The following GMDS variants were observed in gnomAD, a reference collection of about 807,000 sequenced individuals.
GMDS encodes the protein GDP-mannose 4,6-dehydratase, also known as GDP-mannose 4,6 dehydratase.
GMDS carries 20 observed loss-of-function variants against 49.9 expected under a neutral mutation model. That is an observed-to-expected ratio of 0.40 (90% CI 0.28 to 0.58). The LOEUF is 0.58. GMDS is among the 20% of genes least tolerant of loss of function. The pLI, the probability that GMDS is intolerant of heterozygous loss-of-function variation, is 0.42. For missense variants in GMDS, 362 were observed against 481.4 expected (o/e 0.75, Z 2.32); for synonymous variants, 177 against 178.6 (o/e 0.99, Z 0.07).
Position 1,774,744 on chromosome 6 carries a change from TCTC to T in GMDS, c.772-32161_772-32159del, listed in dbSNP as rs1768724447. The stretch of plus-strand genomic sequence containing the variant: ...CACCTAAAGGAACAGCTTCCAAAAC[TCTC>T]CTCTGTGGTTATAAAGAAGCAAACT... On this transcript the variant is annotated intron_variant, in intron 7 of 10. Transcript: ENST00000380815. 2.0e-5 allele frequency among the ~76,000 whole-genome samples: 3 copies of T among 152,118 alleles called. No individual in the cohort carries two copies. In the South Asian group the frequency reaches 6.2e-4, roughly 32 times the overall value.
chr6:1,629,122 A>T (rs947107700), intron 9 of GMDS, among the ~76,000 whole-genome samples: 2 of 152,206 alleles, frequency 1.3e-5, no homozygotes, highest in Non-Finnish European at 2.9e-5. Context: ...CTGGGAAATA[A>T]CAAAAAATGA....
At chr6:1,903,476 T>C (rs1313904049) in intron 7 of GMDS, among the ~76,000 whole-genome samples, 4 of 152,350 alleles carry the variant, frequency 2.6e-5, no homozygotes, top group African/African-American at 7.2e-5. Flanking sequence ...AATTCAACTT[T>C]CTGTGAATAA....
chr6:1,636,119 G>A (rs1342220138), intron 9 of GMDS, among the ~76,000 whole-genome samples: 1 of 152,218 alleles, frequency 6.6e-6, no homozygotes, highest in African/African-American at 2.4e-5. Context: ...TTCCAGGAAT[G>A]TCTGCATCTC....
intron 1 of GMDS, among the ~76,000 whole-genome samples, chr6:2,211,148 A>G (rs563171985): frequency 7.9e-5 from 12 of 152,188 alleles, no homozygotes; most frequent in Non-Finnish European, 1.8e-4. Flanking sequence ...AGCTCTTTAT[A>G]GCAGTGTGAG....
At chr6:1,702,253 G>A (rs116385894) in intron 9 of GMDS, among the ~76,000 whole-genome samples, 4,372 of 152,304 alleles carry the variant, frequency 0.029, 88 homozygotes, top group Non-Finnish European at 0.044. Flanking sequence ...AATTACAGAC[G>A]TTTAGAGTGG....
chr6:1,983,052 T>G (rs950014065), intron 4 of GMDS, among the ~76,000 whole-genome samples: 1 of 151,948 alleles, frequency 6.6e-6, no homozygotes, highest in Non-Finnish European at 1.5e-5. Flanking sequence ...TGAAACAGAA[T>G]AGAGAACCCA....
intron 7 of GMDS, among the ~76,000 whole-genome samples, chr6:1,925,372 C>A (rs1194125268): frequency 4.6e-5 from 7 of 152,160 alleles, no homozygotes; most frequent in African/African-American, 1.7e-4. Context: ...AAATTGGAAT[C>A]AGCAACAAGT....
rs552489764 is a variant in GMDS at position 1,624,369 on chromosome 6, G to A, written c.1056+103C>T. Reference sequence around the variant, plus strand: ...TCACTTCTCCCGCACCCCGCCTTCCGGGCTTTGGGCATCGCAGGCGCCTCA... The same window carrying A: ...TCACTTCTCCCGCACCCCGCCTTCCAGGCTTTGGGCATCGCAGGCGCCTCA... On this transcript the variant is annotated intron_variant, in intron 10 of 10. Transcript: ENST00000380815. 50 of 1,313,928 alleles carry A rather than the reference G, an allele frequency of 3.8e-5. No homozygotes were observed. In the African/African-American group the frequency reaches 6.1e-4, roughly 16 times the overall value. 81.4% of individuals were successfully genotyped at this position (1,313,928 alleles called of 1,614,324 possible). A position where few individuals can be genotyped will look rare whatever the true frequency, so the allele number is the denominator to read the frequency against.
intron 7 of GMDS, among the ~76,000 whole-genome samples, chr6:1,844,085 C>T (rs1757274149): frequency 6.6e-6 from 1 of 152,182 alleles, no homozygotes. Context: ...CTATCATGTG[C>T]TGGCACTGTG....
chr6:1,754,212 G>A (rs1171157501), intron 7 of GMDS, among the ~76,000 whole-genome samples: 1 of 152,134 alleles, frequency 6.6e-6, no homozygotes, highest in Non-Finnish European at 1.5e-5. Context: ...CATCACCACT[G>A]ATCCCACAGA....
intron 7 of GMDS, among the ~76,000 whole-genome samples, chr6:1,821,759 T>C (rs1048039624): frequency 2.6e-5 from 4 of 152,020 alleles, no homozygotes; most frequent in African/African-American, 9.7e-5. Flanking sequence ...AAGCTTGTAG[T>C]TTGAAATTTG....
chr6:1,985,569 A>T (rs1047672427), intron 4 of GMDS, among the ~76,000 whole-genome samples: 11 of 152,228 alleles, frequency 7.2e-5, no homozygotes, highest in African/African-American at 2.4e-4. Context: ...ATCAGCTAAA[A>T]ACAAGAAAGC....
chr6:2,130,323 A>T (rs1775666032), intron 1 of GMDS, among the ~76,000 whole-genome samples: 1 of 152,224 alleles, frequency 6.6e-6, no homozygotes, highest in East Asian at 1.9e-4. Context: ...TCCCCATAAA[A>T]GCTGCTGTCA....
intron 4 of GMDS, among the ~76,000 whole-genome samples, chr6:2,030,796 A>C (rs576381039): frequency 6.6e-6 from 1 of 152,228 alleles, no homozygotes; most frequent in Non-Finnish European, 1.5e-5. Context: ...AATTGTAGCT[A>C]TACTGTAGCT....
At chr6:1,693,838 C>T (rs916082852) in intron 9 of GMDS, among the ~76,000 whole-genome samples, 5 of 152,162 alleles carry the variant, frequency 3.3e-5, no homozygotes, top group African/African-American at 1.2e-4. Flanking sequence ...GTGCTATGTA[C>T]CCTCCAAGTA....
At chr6:1,933,799 A>AT (rs1383302900) in intron 6 of GMDS, among the ~76,000 whole-genome samples, 2 of 152,116 alleles carry the variant, frequency 1.3e-5, no homozygotes, top group South Asian at 4.1e-4. Flanking sequence ...ATTTGCAAAG[A>AT]TTTTCTCTCA....
At chr6:2,064,183 A>G (rs551433309) in intron 4 of GMDS, among the ~76,000 whole-genome samples, 2 of 152,354 alleles carry the variant, frequency 1.3e-5, no homozygotes, top group Admixed American at 1.3e-4. Flanking sequence ...TAGACCCTGC[A>G]TAAGTTATGT....
chr6:1,911,558 A>G (rs536939583), intron 7 of GMDS, among the ~76,000 whole-genome samples: 1 of 152,232 alleles, frequency 6.6e-6, no homozygotes, highest in East Asian at 1.9e-4. Context: ...CCTATTAAAA[A>G]AAAAAAAAGC....
At chr6:2,200,722 G>A (rs932538552) in intron 1 of GMDS, among the ~76,000 whole-genome samples, 2 of 149,870 alleles carry the variant, frequency 1.3e-5, no homozygotes, top group African/African-American at 4.9e-5. Context: ...GATGAAGAGA[G>A]AGCACCACAT....
Sources: gnomAD v4.1 joint callset for allele counts (sites outside exome capture counted in the v4.1 genomes callset) on GRCh38, gnomAD v4.1.1 for gene constraint, MANE v1.5 for transcripts, NCBI Gene and HGNC (gene_info 2026-07-23, HGNC 2026-07-21) for gene names.